The following ARK2C variants were observed in gnomAD, a reference collection of about 807,000 sequenced individuals.
ARK2C encodes the protein arkadia (RNF111) C-terminal like ring finger ubiquitin ligase 2C.
At chr18:46,397,120 T>G in the ARK2C span, among the ~76,000 whole-genome samples, 22,051 of 152,192 alleles carry the variant, frequency 0.14, 1,692 homozygotes, top group East Asian at 0.28. Flanking sequence ...CTTGGTGTTG[T>G]CTGGGAGGGC....
At chr18:46,388,341 A>T in the ARK2C span, among the ~76,000 whole-genome samples, 2 of 152,238 alleles carry the variant, frequency 1.3e-5, no homozygotes, top group African/African-American at 4.8e-5. Context: ...ACAAAACAAA[A>T]ACCTTGTTTA....
At chr18:46,346,840 G>A in the ARK2C span, among the ~76,000 whole-genome samples, 10,444 of 152,202 alleles carry the variant, frequency 0.069, 1,177 homozygotes, top group African/African-American at 0.24. Context: ...TGCAAAGCAG[G>A]CCCTTGGGCA....
At chr18:46,461,646 CAAAAAAAAAAAA>C in the ARK2C span, 15 of 85,430 alleles carry the variant, frequency 1.8e-4, no homozygotes, top group African/African-American at 7.9e-4. Context: ...AAACTCAGTC[CAAAAAAAAAAAA>C]AAAAAAAAAG....
chr18:46,460,697 T>C, the ARK2C span: 33,331 of 152,470 alleles, frequency 0.22, 4,082 homozygotes, highest in Middle Eastern at 0.29. Flanking sequence ...CTTTATTTCG[T>C]CCGAACTATC....
chr18:46,448,574 T>C, the ARK2C span, among the ~76,000 whole-genome samples: 1 of 152,152 alleles, frequency 6.6e-6, no homozygotes, highest in Non-Finnish European at 1.5e-5. Context: ...GTTTCACTAA[T>C]CTGTGAAATG....
chr18:46,356,797 C>A, the ARK2C span, among the ~76,000 whole-genome samples: 10 of 152,194 alleles, frequency 6.6e-5, no homozygotes, highest in African/African-American at 9.7e-5. Flanking sequence ...CCGCAGCTTC[C>A]TGCCTCAATT....
chr18:46,335,695 G>A, the ARK2C span: 2 of 167,534 alleles, frequency 1.2e-5, no homozygotes, highest in Admixed American at 1.3e-4. Context: ...GCGCCCCAGG[G>A]GCCCGATTGG....
chr18:46,408,040 T>C, the ARK2C span, among the ~76,000 whole-genome samples: 1 of 151,938 alleles, frequency 6.6e-6, no homozygotes, highest in Non-Finnish European at 1.5e-5. Flanking sequence ...GTGGCAGGGA[T>C]TGGGGAAAAA....
chr18:46,426,781 C>T, the ARK2C span, among the ~76,000 whole-genome samples: 1 of 152,206 alleles, frequency 6.6e-6, no homozygotes, highest in Non-Finnish European at 1.5e-5. Context: ...CATAATGGGT[C>T]TTTCAACTGA....
At chr18:46,430,425 G>A in the ARK2C span, among the ~76,000 whole-genome samples, 2 of 152,186 alleles carry the variant, frequency 1.3e-5, no homozygotes, top group African/African-American at 2.4e-5. Context: ...ACTTCACAGG[G>A]AGATGTCTTT....
At chr18:46,349,528 T>TACTCTAGAGA in the ARK2C span, among the ~76,000 whole-genome samples, 1 of 152,222 alleles carries the variant, frequency 6.6e-6, no homozygotes, top group Non-Finnish European at 1.5e-5. Context: ...TCATAGCACC[T>TACTCTAGAGA]ACTCTAGAGA....
chr18:46,426,309 G>A, the ARK2C span, among the ~76,000 whole-genome samples: 2 of 152,176 alleles, frequency 1.3e-5, no homozygotes, highest in Non-Finnish European at 2.9e-5. Flanking sequence ...GCCTTTTAGA[G>A]ACTCGGGGAC....
At chr18:46,381,431 C>G in the ARK2C span, among the ~76,000 whole-genome samples, 2 of 152,222 alleles carry the variant, frequency 1.3e-5, no homozygotes, top group Admixed American at 1.3e-4. Flanking sequence ...TGATCACCAT[C>G]TATTGCTCAC....
At chr18:46,361,311 T>C in the ARK2C span, among the ~76,000 whole-genome samples, 4 of 152,324 alleles carry the variant, frequency 2.6e-5, no homozygotes, top group African/African-American at 7.2e-5. Flanking sequence ...GTAGCCTTGC[T>C]CTTCTGAAAA....
chr18:46,336,240 C>A, the ARK2C span: 9 of 985,034 alleles, frequency 9.1e-6, no homozygotes, highest in Non-Finnish European at 1.1e-5. Flanking sequence ...GTATAATTAT[C>A]CTGATTAAAT....
the ARK2C span, among the ~76,000 whole-genome samples, chr18:46,356,012 A>G: frequency 6.6e-6 from 1 of 152,152 alleles, no homozygotes; most frequent in African/African-American, 2.4e-5. Context: ...CCTTGGCAGC[A>G]TTCCCGTGGC....
chr18:46,446,334 A>G, the ARK2C span, among the ~76,000 whole-genome samples: 1 of 152,222 alleles, frequency 6.6e-6, no homozygotes, highest in African/African-American at 2.4e-5. Flanking sequence ...CTGGAAATAC[A>G]GTAAGAAAAG....
the ARK2C span, chr18:46,456,440 A>T: frequency 4.1e-5 from 41 of 1,004,674 alleles, 1 homozygote; most frequent in South Asian, 5.7e-4. Flanking sequence ...GTTCCCCAGG[A>T]GTCCTAGGTG....
At chr18:46,402,508 C>CGT in the ARK2C span, among the ~76,000 whole-genome samples, 1 of 151,908 alleles carries the variant, frequency 6.6e-6, no homozygotes, top group African/African-American at 2.4e-5. Flanking sequence ...GGGCTTTCTA[C>CGT]ATGTGTGTGT....
Sources: gnomAD v4.1 joint callset for allele counts (sites outside exome capture counted in the v4.1 genomes callset) on GRCh38, gnomAD v4.1.1 for gene constraint, MANE v1.5 for transcripts, NCBI Gene and HGNC (gene_info 2026-07-23, HGNC 2026-07-21) for gene names.